Variants in SLC24A2 observed in about 807,000 individuals in gnomAD.
SLC24A2 encodes solute carrier family 24 member 2.
A neutral mutation model predicts 62.0 loss-of-function variants in SLC24A2; 36 were observed. That is an observed-to-expected ratio of 0.58 (90% CI 0.44 to 0.77). The LOEUF is 0.77. Ranked by LOEUF, SLC24A2 falls within the 30% of genes least tolerant of loss-of-function variation. The pLI is 0.00. For synonymous variants in SLC24A2, 358 were observed against 294.0 expected (o/e 1.22, Z -2.23); for missense variants, 846 against 817.9 (o/e 1.03, Z -0.42).
At chr9:20,178,509 A>G in the SLC24A2 span, among the ~76,000 whole-genome samples, 1 of 152,132 alleles carries the variant, frequency 6.6e-6, no homozygotes, top group Non-Finnish European at 1.5e-5. Flanking sequence ...ACTTTGACAG[A>G]TTTTAATGAG....
chr9:19,570,735 T>G (rs555209253), intron 7 of SLC24A2, among the ~76,000 whole-genome samples: 1 of 152,338 alleles, frequency 6.6e-6, no homozygotes, highest in African/African-American at 2.4e-5. Flanking sequence ...TGTTGCTATC[T>G]GCACTTCACA....
chr9:20,114,911 CA>C, the SLC24A2 span, among the ~76,000 whole-genome samples: 1 of 152,072 alleles, frequency 6.6e-6, no homozygotes, highest in African/African-American at 2.4e-5. Context: ...GACGGACTGA[CA>C]GGGGAAAAGA....
chr9:20,079,167 T>C, the SLC24A2 span, among the ~76,000 whole-genome samples: 2 of 151,060 alleles, frequency 1.3e-5, no homozygotes, highest in African/African-American at 4.8e-5. Flanking sequence ...GTTGGAGTTA[T>C]GCAGCCACCA....
chr9:19,876,365 C>CGTGT, the SLC24A2 span, among the ~76,000 whole-genome samples: 11,956 of 145,532 alleles, frequency 0.082, 499 homozygotes, highest in Non-Finnish European at 0.1. Context: ...TTATTGAAGG[C>CGTGT]GTGTGTGTGT....
chr9:19,913,923 C>A, the SLC24A2 span, among the ~76,000 whole-genome samples: 1 of 151,812 alleles, frequency 6.6e-6, no homozygotes, highest in Non-Finnish European at 1.5e-5. Flanking sequence ...TTAATTCTTA[C>A]TGTATCCCAA....
In SLC24A2 at chr9:19,599,339, A is replaced by G. The variant is rs532952301; in HGVS notation, c.1079-2060T>C. 6.6e-6 allele frequency among the ~76,000 whole-genome samples: 1 copy of G among 152,318 alleles called. No individual in the cohort carries two copies. The highest frequency in any genetic ancestry group is 1.9e-4 in the East Asian group (1 of 5,188). On this transcript the variant is annotated intron_variant, in intron 4 of 10. Transcript: ENST00000341998. This position sits in a 1 kb window ranked among gnomAD's most constrained non-coding sequence, Gnocchi z 4.5. ...ATATGATGAATGAGACTGAAGAACA[A>G]GAACTAGGCAGAACATAACAAAAAT... is the stretch of plus-strand genomic sequence containing the variant.
the SLC24A2 span, among the ~76,000 whole-genome samples, chr9:19,909,851 C>A: frequency 1.3e-5 from 2 of 151,980 alleles, no homozygotes; most frequent in Non-Finnish European, 2.9e-5. Context: ...TGTTCTAATA[C>A]CCCTCACTAT....
chr9:19,665,320 T>G (rs901405025), intron 2 of SLC24A2, among the ~76,000 whole-genome samples: 6 of 152,020 alleles, frequency 3.9e-5, no homozygotes, highest in African/African-American at 1.4e-4. Flanking sequence ...CTTTGAGAGG[T>G]GCTGAGAAGG....
intron 4 of SLC24A2, among the ~76,000 whole-genome samples, chr9:19,603,927 T>G (rs1031091683): frequency 4.6e-5 from 7 of 152,236 alleles, no homozygotes; most frequent in African/African-American, 1.4e-4. Context: ...GTTAAGTCAC[T>G]TTCCTCCTGT....
At chr9:19,616,206 T>C (rs1030784270) in intron 4 of SLC24A2, among the ~76,000 whole-genome samples, 6 of 152,226 alleles carry the variant, frequency 3.9e-5, no homozygotes, top group Non-Finnish European at 8.8e-5. Flanking sequence ...AATCATATAT[T>C]GTGTTACTTT....
At chr9:19,896,584 T>G in the SLC24A2 span, among the ~76,000 whole-genome samples, 3 of 152,302 alleles carry the variant, frequency 2.0e-5, no homozygotes, top group Non-Finnish European at 4.4e-5. Flanking sequence ...CATCACCATC[T>G]AACAGATAAC....
chr9:19,797,700 T>C, the SLC24A2 span, among the ~76,000 whole-genome samples: 1 of 152,224 alleles, frequency 6.6e-6, no homozygotes, highest in Non-Finnish European at 1.5e-5. Context: ...TAGGGGACTT[T>C]ATTATTCACT....
the SLC24A2 span, among the ~76,000 whole-genome samples, chr9:19,995,868 T>C: frequency 1.3e-5 from 2 of 152,238 alleles, no homozygotes; most frequent in Non-Finnish European, 2.9e-5. Flanking sequence ...CAGCCTGGCC[T>C]AGGCCCCTCT....
At chr9:20,157,092 T>A in the SLC24A2 span, among the ~76,000 whole-genome samples, 12 of 151,772 alleles carry the variant, frequency 7.9e-5, no homozygotes, top group Non-Finnish European at 1.5e-4. Context: ...TTAATTCATT[T>A]GTTGCACATC....
At chr9:20,026,083 T>TTTTTC in the SLC24A2 span, among the ~76,000 whole-genome samples, 1 of 152,202 alleles carries the variant, frequency 6.6e-6, no homozygotes, top group East Asian at 1.9e-4. Context: ...AATTGCATAT[T>TTTTTC]TTTTCTTTAC....
In SLC24A2 at chr9:19,568,723, T is replaced by G. The variant is rs112043866; in HGVS notation, c.1347+4628A>C. Among the ~76,000 whole-genome samples, 1,406 of 152,344 alleles carry G rather than the reference T, an allele frequency of 9.2e-3. 21 individuals are homozygous for G. The highest frequency in any genetic ancestry group is 0.031 in the African/African-American group (1,297 of 41,576). ...GATAGTGACCAAAGCACATTGCTCCTGTATTCATTTAACCCATTATTATTT... is the reference window on the plus strand; with the variant it reads ...GATAGTGACCAAAGCACATTGCTCCGGTATTCATTTAACCCATTATTATTT... On this transcript the variant is annotated intron_variant, in intron 7 of 10. Transcript: ENST00000341998.
At chr9:20,096,535 A>G in the SLC24A2 span, among the ~76,000 whole-genome samples, 1 of 151,846 alleles carries the variant, frequency 6.6e-6, no homozygotes, top group African/African-American at 2.4e-5. Flanking sequence ...TCTCATTGCA[A>G]TTATTTCTAT....
chr9:20,245,840 C>A, the SLC24A2 span, among the ~76,000 whole-genome samples: 1 of 152,110 alleles, frequency 6.6e-6, no homozygotes, highest in Non-Finnish European at 1.5e-5. Context: ...ATATTCAGAT[C>A]CATGCTAATC....
At chr9:20,087,383 A>G in the SLC24A2 span, among the ~76,000 whole-genome samples, 1 of 152,210 alleles carries the variant, frequency 6.6e-6, no homozygotes, top group Non-Finnish European at 1.5e-5. Flanking sequence ...CAAGAAATCT[A>G]AATGATATGG....
Sources: allele counts gnomAD v4.1 joint callset (sites outside exome capture counted in the v4.1 genomes callset), GRCh38; gene constraint gnomAD v4.1.1; non-coding constraint Gnocchi (gnomAD v3.1); transcripts MANE v1.5; gene names NCBI Gene and HGNC (gene_info 2026-07-23, HGNC 2026-07-21).